ACVR1: variants seen among roughly 807,000 people sequenced by gnomAD.
The protein encoded by ACVR1 is activin receptor type-1.
A neutral mutation model predicts 57.1 loss-of-function variants in ACVR1; 38 were observed. The observed-to-expected ratio is 0.67, with a 90% CI of 0.51 to 0.87. The LOEUF (loss-of-function observed/expected upper bound fraction) is 0.87, where lower values mean the gene tolerates loss of function less well. Ranked by LOEUF, ACVR1 falls within the 40% of genes least tolerant of loss-of-function variation. The pLI is 0.00. For missense variants in ACVR1, 463 were observed against 638.2 expected, an observed-to-expected ratio of 0.73 and a Z score of 2.96; for synonymous variants, 212 against 228.1, an observed-to-expected ratio of 0.93 and a Z score of 0.63.
At chr2:157,801,726 AT>A (rs1247174476) in intron 2 of ACVR1, among the ~76,000 whole-genome samples, 2 of 152,192 alleles carry the variant, frequency 1.3e-5, no homozygotes, top group Non-Finnish European at 2.9e-5. Context: ...GTTTTATAAT[AT>A]GTACTTATTT....
At chr2:157,820,291 C>T (rs775761171) in intron 1 of ACVR1, among the ~76,000 whole-genome samples, 8 of 152,208 alleles carry the variant, frequency 5.3e-5, no homozygotes, top group South Asian at 2.1e-4. Flanking sequence ...AACAAACTCG[C>T]ACCCGCAAAC....
intron 1 of ACVR1, chr2:157,819,411 CGGAGG>C (rs1364698161): frequency 6.7e-6 from 1 of 148,430 alleles, no homozygotes; most frequent in African/African-American, 2.5e-5. Context: ...ACCTGAGAGG[CGGAGG>C]TTACGGTGAG....
chr2:157,770,610 T>TA (rs1686038461), intron 6 of ACVR1, 96 bp from the exon 7 acceptor site: 11 of 1,227,200 alleles, frequency 9.0e-6, no homozygotes, highest in Admixed American at 5.2e-5. Context: ...ATGCAACTCT[T>TA]AATCCCTCCA....
intron 3 of ACVR1, among the ~76,000 whole-genome samples, chr2:157,783,539 G>T (rs950442076): frequency 6.6e-6 from 1 of 152,140 alleles, no homozygotes; most frequent in Non-Finnish European, 1.5e-5. Flanking sequence ...TCCTGTAGTT[G>T]TATGTGGACA....
chr2:157,860,256 C>G (rs1337964480), intron 1 of ACVR1: 3 of 152,252 alleles, frequency 2.0e-5, no homozygotes, highest in Admixed American at 2.0e-4. Flanking sequence ...CCCCAATTTG[C>G]CCACTTCGGC....
chr2:157,866,105 G>T (rs1048131934), intron 1 of ACVR1, among the ~76,000 whole-genome samples: 1 of 152,034 alleles, frequency 6.6e-6, no homozygotes, highest in African/African-American at 2.4e-5. Context: ...AAAATGTATA[G>T]GAACTCATAT....
At position 157,807,916 on chromosome 2, in the gene ACVR1, TTCTC is replaced by T. The variant is rs149277565; in HGVS notation, c.-7-8420_-7-8417del. Among the ~76,000 whole-genome samples, 964 of 143,444 alleles carry T rather than the reference TTCTC, an allele frequency of 6.7e-3. 12 individuals are homozygous for T. Among genetic ancestry groups the T allele is most frequent in the African/African-American group, 0.022 (888 of 39,550 alleles). 94.1% of individuals were successfully genotyped at this position (143,444 alleles called of 152,430 possible). ...AGGCCAGAGAGGTACATTTCTCTCT[TTCTC>T]TCTCTCTCTCTCTCCCTCTCTCTCT... On this transcript the variant is annotated intron_variant, in intron 2 of 10. Transcript: ENST00000434821.
intron 1 of ACVR1, among the ~76,000 whole-genome samples, chr2:157,844,192 G>T (rs1379155659): frequency 6.6e-6 from 1 of 152,212 alleles, no homozygotes; most frequent in Non-Finnish European, 1.5e-5. Flanking sequence ...AAGTTCAAGT[G>T]CTCACAAGAG....
intron 1 of ACVR1, among the ~76,000 whole-genome samples, chr2:157,846,947 T>C (rs553851292): frequency 1.3e-5 from 2 of 152,110 alleles, no homozygotes; most frequent in Non-Finnish European, 2.9e-5. Flanking sequence ...TCCTCTATTA[T>C]AAAAAGAGGC....
At chr2:157,841,602 G>A (rs1199091397) in intron 1 of ACVR1, among the ~76,000 whole-genome samples, 2 of 152,152 alleles carry the variant, frequency 1.3e-5, no homozygotes, top group African/African-American at 4.8e-5. Context: ...CTATTAGGAA[G>A]GCTAAGGCAA....
At chr2:157,778,578 T>C (rs763829856) in intron 4 of ACVR1, among the ~76,000 whole-genome samples, 2 of 152,222 alleles carry the variant, frequency 1.3e-5, no homozygotes, top group Non-Finnish European at 1.5e-5. Flanking sequence ...ATTGCATTAA[T>C]GTATGAATGT....
intron 1 of ACVR1, among the ~76,000 whole-genome samples, chr2:157,868,549 C>G (rs958166329): frequency 1.3e-5 from 2 of 152,058 alleles, no homozygotes; most frequent in Non-Finnish European, 2.9e-5. Context: ...AAAACAAGCC[C>G]CTTATATTTA....
chr2:157,783,869 T>C (rs1174141309), intron 3 of ACVR1, among the ~76,000 whole-genome samples: 1 of 152,168 alleles, frequency 6.6e-6, no homozygotes, highest in African/African-American at 2.4e-5. Context: ...TATACCCAAA[T>C]ATAAATGAAG....
chr2:157,800,433 G>C (rs1448567948), intron 2 of ACVR1, among the ~76,000 whole-genome samples: 1 of 151,944 alleles, frequency 6.6e-6, no homozygotes, highest in Non-Finnish European at 1.5e-5. Context: ...TTTGAGACCA[G>C]CCTGGGCAAC....
chr2:157,791,507 CTCCACA>C (rs2105295361), intron 3 of ACVR1, among the ~76,000 whole-genome samples: 1 of 152,238 alleles, frequency 6.6e-6, no homozygotes, highest in African/African-American at 2.4e-5. Context: ...CAATGAATAC[CTCCACA>C]TTCTGGCCTC....
At chr2:157,778,447 T>C in intron 4 of ACVR1, 105 bp from the exon 5 acceptor site, 1 of 926,236 alleles carries the variant, frequency 1.1e-6, no homozygotes, top group Admixed American at 2.1e-5. Flanking sequence ...GACCACACAG[T>C]CTCACAACTC....
chr2:157,781,113 A>G (rs1686505330), intron 3 of ACVR1, among the ~76,000 whole-genome samples: 1 of 152,244 alleles, frequency 6.6e-6, no homozygotes, highest in Admixed American at 6.5e-5. Context: ...TTGCAGGTAC[A>G]TGGCAGAAAT....
intron 1 of ACVR1, among the ~76,000 whole-genome samples, chr2:157,850,392 A>AAAAAAAAAAGAGGGAAAAATGCC: frequency 6.6e-6 from 1 of 151,994 alleles, no homozygotes; most frequent in Non-Finnish European, 1.5e-5. Flanking sequence ...CAGTCTCAAA[A>AAAAAAAAAAGAGGGAAAAATGCC]AAAAAAAAAG....
At chr2:157,864,219 A>T (rs573137730) in intron 1 of ACVR1, among the ~76,000 whole-genome samples, 34 of 146,072 alleles carry the variant, frequency 2.3e-4, no homozygotes, top group Middle Eastern at 3.5e-3. Flanking sequence ...AATTTATATT[A>T]TTTTTTTTTT....
Sources: allele counts gnomAD v4.1 joint callset (sites outside exome capture counted in the v4.1 genomes callset), GRCh38; gene constraint gnomAD v4.1.1; transcripts MANE v1.5; gene names NCBI Gene and HGNC (gene_info 2026-07-23, HGNC 2026-07-21).